MATN2: variants seen among roughly 807,000 people sequenced by gnomAD.
The protein encoded by MATN2 is matrilin-2.
In MATN2, 69 loss-of-function variants were observed where a neutral mutation model predicts 103.2. That is an observed-to-expected ratio of 0.67 (90% CI 0.55 to 0.82). The LOEUF is 0.82. MATN2 is among the 40% of genes least tolerant of loss of function. The pLI, the probability that MATN2 is intolerant of heterozygous loss-of-function variation, is 0.00. For synonymous variants in MATN2, 429 were observed against 450.2 expected (o/e 0.95, Z 0.60); for missense variants, 1,023 against 1,211.5 (o/e 0.84, Z 2.31).
intron 7 of MATN2, among the ~76,000 whole-genome samples, chr8:98,002,083 A>G (rs887089786): frequency 6.6e-6 from 1 of 152,218 alleles, no homozygotes; most frequent in Admixed American, 6.5e-5. Flanking sequence ...AGTCTCATAA[A>G]GCCTCTCCAC....
chr8:97,883,554 ATT>A (rs552141646), intron 1 of MATN2, among the ~76,000 whole-genome samples: 4 of 133,150 alleles, frequency 3.0e-5, no homozygotes, highest in African/African-American at 8.2e-5. Flanking sequence ...TTCCCAGCTA[ATT>A]TTTTTTTTTT....
chr8:98,022,357 GCACACACACA>G (rs34090534), intron 13 of MATN2, among the ~76,000 whole-genome samples: 8 of 150,508 alleles, frequency 5.3e-5, no homozygotes, highest in African/African-American at 2.0e-4. Flanking sequence ...ATACCCTTAT[GCACACACACA>G]CACACACACA....
At chr8:97,887,168 A>C (rs1818461183) in intron 1 of MATN2, among the ~76,000 whole-genome samples, 1 of 152,146 alleles carries the variant, frequency 6.6e-6, no homozygotes, top group South Asian at 2.1e-4. Context: ...GTGGGATTAC[A>C]GGTGTGAGTC....
In MATN2 at chr8:98,016,737, A is replaced by G. The variant is rs1000165949; in HGVS notation, c.1696+75A>G. The G allele has an allele frequency of 9.1e-6, 14 of 1,539,222 alleles. No individual in the cohort carries two copies. In the East Asian group the frequency reaches 1.2e-4, roughly 13 times the overall value. ...GAAATCGCTATCCTTATCTCTGTAT[A>G]TATCAGTTCCTCTCAGAAGTCAATG... On this transcript the variant is annotated intron_variant, in intron 11 of 18. Transcript: ENST00000254898.
At chr8:97,940,355 A>G (rs1379192915) in intron 3 of MATN2, among the ~76,000 whole-genome samples, 5 of 152,256 alleles carry the variant, frequency 3.3e-5, no homozygotes, top group Non-Finnish European at 7.3e-5. Flanking sequence ...TCACAAAAAA[A>G]GCTGTTTGTT....
At position 98,005,893 on chromosome 8, in the gene MATN2, T is replaced by C. The variant is rs1812950623; in HGVS notation, c.1328-1212T>C. ...CAACACTAGGATGTGAACACAGGCA[T>C]GTAGCTCCCAAGATCCAGCAAGTGT... On this transcript the variant is annotated intron_variant, in intron 8 of 18. Coordinates refer to ENST00000254898, the MANE Select transcript of MATN2 (RefSeq NM_002380.5). This position sits in a 1 kb window ranked among gnomAD's most constrained non-coding sequence, Gnocchi z 4.6. Among the ~76,000 whole-genome samples the C allele has an allele frequency of 1.3e-5, 2 of 152,208 alleles. No individual in the cohort carries two copies.
intron 10 of MATN2, among the ~76,000 whole-genome samples, chr8:98,008,359 A>G (rs748385003): frequency 6.6e-6 from 1 of 152,180 alleles, no homozygotes; most frequent in Non-Finnish European, 1.5e-5. Context: ...TCATTTTGAG[A>G]GAAGGAATCA....
intron 2 of MATN2, among the ~76,000 whole-genome samples, chr8:97,893,304 T>C (rs1479906731): frequency 6.6e-6 from 1 of 152,168 alleles, no homozygotes; most frequent in Non-Finnish European, 1.5e-5. Flanking sequence ...CCCTTTGGAC[T>C]TGGATTCTTC....
intron 5 of MATN2, among the ~76,000 whole-genome samples, chr8:97,976,802 CT>C (rs1260424103): frequency 2.6e-5 from 4 of 151,894 alleles, no homozygotes; most frequent in African/African-American, 9.7e-5. Flanking sequence ...GGTGCACTCT[CT>C]TTTTCTCATT....
At position 98,027,802 on chromosome 8, in the gene MATN2, G is replaced by A. The variant is rs755621628; in HGVS notation, c.2329G>A (p.Glu777Lys). The change falls in exon 14 of 19, where the codon GAG (glutamate) becomes AAG (lysine). Residue 777 changes from glutamate (E) to lysine (K), a missense_variant. Glu to Lys is a moderately conservative substitution (Grantham distance 56). Coordinates refer to ENST00000254898, the MANE Select transcript of MATN2 (RefSeq NM_002380.5). Reference protein sequence around the residue: ...TDGRAQDDVSEWASKAKANGI... With the variant: ...TDGRAQDDVSKWASKAKANGI... The stretch of plus-strand genomic sequence containing the variant: ...CGGACGGGCTCAGGATGACGTCTCC[G>A]AGTGGGCCAGTAAAGCCAAGGCCAA... 11 of 1,585,448 alleles carry A rather than the reference G, an allele frequency of 6.9e-6. No homozygotes were observed. The highest frequency in any genetic ancestry group is 1.7e-4 in the Middle Eastern group (1 of 5,922).
chr8:97,920,787 C>A (rs1809783285), intron 2 of MATN2, among the ~76,000 whole-genome samples: 1 of 152,136 alleles, frequency 6.6e-6, no homozygotes, highest in South Asian at 2.1e-4. Context: ...AAAGTGACAT[C>A]TGGAAGACAA....
intron 5 of MATN2, among the ~76,000 whole-genome samples, chr8:97,969,251 C>A (rs1811581478): frequency 6.6e-6 from 1 of 152,206 alleles, no homozygotes; most frequent in African/African-American, 2.4e-5. Context: ...CCACCAGGGT[C>A]CACCTGTAAC....
intron 7 of MATN2, among the ~76,000 whole-genome samples, chr8:97,997,602 G>A (rs1328835483): frequency 6.6e-6 from 1 of 152,188 alleles, no homozygotes; most frequent in East Asian, 1.9e-4. Flanking sequence ...GGCCTTACCA[G>A]ATTAAGTTGT....
chr8:98,005,251 G>A lies in MATN2; in HGVS notation c.1327+1468G>A, dbSNP rs1219757898. 6.6e-6 allele frequency among the ~76,000 whole-genome samples: 1 copy of A among 152,238 alleles called. No homozygotes were observed. The highest frequency in any genetic ancestry group is 1.5e-5 in the Non-Finnish European group (1 of 68,022). Reference sequence around the variant, plus strand: ...CCAAAGGGCTTTTGAACTGGAAAGTGGTGCCAAAGTCAGTGCCTGCTGTAC... The same window carrying A: ...CCAAAGGGCTTTTGAACTGGAAAGTAGTGCCAAAGTCAGTGCCTGCTGTAC... On this transcript the variant is annotated intron_variant, in intron 8 of 18. Coordinates refer to ENST00000254898, the MANE Select transcript of MATN2 (RefSeq NM_002380.5). The surrounding 1 kb of genome is among the most constrained non-coding windows in gnomAD (Gnocchi z 4.6).
Position 97,994,476 on chromosome 8 carries a change from C to A in MATN2, c.1082-4C>A, listed in dbSNP as rs1812500616. The A allele has an allele frequency of 1.3e-6, 2 of 1,599,402 alleles. No homozygotes were observed. The highest frequency in any genetic ancestry group is 1.7e-6 in the Non-Finnish European group (2 of 1,175,344). ...CCATTCTTGTGATTTTTCCTTCTTG[C>A]CAGAGATAGACTACTGTGCCTCATC... On this transcript the variant is annotated splice_polypyrimidine_tract_variant and splice_region_variant and intron_variant, in intron 6 of 18. Coordinates refer to ENST00000254898, the MANE Select transcript of MATN2 (RefSeq NM_002380.5).
chr8:97,990,533 C>A (rs1012872858), intron 6 of MATN2, among the ~76,000 whole-genome samples: 3 of 152,208 alleles, frequency 2.0e-5, no homozygotes, highest in African/African-American at 7.2e-5. Context: ...TTCATAGCTG[C>A]TTTATTTGTG....
At chr8:97,925,666 A>G (rs1563670950) in intron 2 of MATN2, among the ~76,000 whole-genome samples, 1 of 152,162 alleles carries the variant, frequency 6.6e-6, no homozygotes, top group African/African-American at 2.4e-5. Context: ...TATTATCCCT[A>G]TTTTGCAGAG....
intron 1 of MATN2, among the ~76,000 whole-genome samples, chr8:97,872,628 A>C (rs906226073): frequency 6.6e-6 from 1 of 152,078 alleles, no homozygotes; most frequent in African/African-American, 2.4e-5. Flanking sequence ...ACCTGACTGC[A>C]TTTCTTGGCT....
intron 7 of MATN2, among the ~76,000 whole-genome samples, chr8:97,998,491 C>T (rs1393497882): frequency 2.2e-5 from 3 of 138,840 alleles, no homozygotes; most frequent in African/African-American, 5.5e-5. Flanking sequence ...CACTGCACTC[C>T]AGCCTGGGCG....
Sources: allele counts gnomAD v4.1 joint callset (sites outside exome capture counted in the v4.1 genomes callset), GRCh38; gene constraint gnomAD v4.1.1; non-coding constraint Gnocchi (gnomAD v3.1); transcripts MANE v1.5; gene names NCBI Gene and HGNC (gene_info 2026-07-23, HGNC 2026-07-21).